The following VOPP1 variants were observed in gnomAD, a reference collection of about 807,000 sequenced individuals.
The protein encoded by VOPP1 is VOPP1 WW domain binding protein.
In VOPP1, 8 loss-of-function variants were observed where a neutral mutation model predicts 23.5. That is an observed-to-expected ratio of 0.34 (90% CI 0.20 to 0.61). VOPP1 has a LOEUF of 0.61. Among genes scored for constraint, VOPP1 ranks in the 20% least tolerant of loss-of-function variants. The pLI is 0.78. For missense variants in VOPP1, 174 were observed against 238.1 expected (o/e 0.73, Z 1.77); for synonymous variants, 83 against 97.3 (o/e 0.85, Z 0.86).
At chr7:55,494,800 G>C (rs1489263491) in intron 3 of VOPP1, among the ~76,000 whole-genome samples, 1 of 152,134 alleles carries the variant, frequency 6.6e-6, no homozygotes, top group East Asian at 1.9e-4. Flanking sequence ...AAAGGGGCAG[G>C]AGAAAGCGCT....
intron 2 of VOPP1, among the ~76,000 whole-genome samples, chr7:55,517,953 A>G (rs924817328): frequency 6.6e-6 from 1 of 152,140 alleles, no homozygotes; most frequent in African/African-American, 2.4e-5. Flanking sequence ...CAAAAAAACA[A>G]CTTTCTCCTT....
chr7:55,546,045 T>A (rs1797353425), intron 1 of VOPP1, among the ~76,000 whole-genome samples: 1 of 151,922 alleles, frequency 6.6e-6, no homozygotes, highest in African/African-American at 2.4e-5. Flanking sequence ...CCAGTCTGGG[T>A]GACAGAATGA....
chr7:55,537,649 C>T, intron 1 of VOPP1: 1 of 1,516,944 alleles, frequency 6.6e-7, no homozygotes, highest in Non-Finnish European at 8.8e-7. Context: ...GCTCTGGCGC[C>T]CGCAGACCCT....
At position 55,471,468 on chromosome 7, in the gene VOPP1, G is replaced by A. The variant is rs1791814492; in HGVS notation, c.*1387C>T. ...GAGTAACAATTTCTCAAGAGGCTCT[G>A]ATTAGTTCATTAAAAAATAAGCACC... On this transcript the variant is annotated 3_prime_UTR_variant, in exon 5 of 5. Coordinates refer to ENST00000285279, the MANE Select transcript of VOPP1 (RefSeq NM_030796.5). The A allele has an allele frequency of 6.6e-6, 1 of 152,214 alleles. No individual in the cohort carries two copies. Among genetic ancestry groups the A allele is most frequent in the Admixed American group, 6.5e-5 (1 of 15,276 alleles). 9.4% of individuals were successfully genotyped at this position (152,214 alleles called of 1,614,324 possible).
chr7:55,453,424 T>C (rs1464443491), intron 4 of VOPP1, among the ~76,000 whole-genome samples: 2 of 152,242 alleles, frequency 1.3e-5, no homozygotes, highest in Non-Finnish European at 2.9e-5. Flanking sequence ...TTTCTAGCTT[T>C]TGATTTAAAA....
intron 4 of VOPP1, among the ~76,000 whole-genome samples, chr7:55,483,682 C>A (rs77023242): frequency 0.012 from 1,786 of 152,326 alleles, 12 homozygotes; most frequent in Middle Eastern, 0.02. Flanking sequence ...TGTTACTTTC[C>A]CATGTCATGC....
chr7:55,549,512 A>G (rs1439513749), intron 1 of VOPP1, among the ~76,000 whole-genome samples: 1 of 152,204 alleles, frequency 6.6e-6, no homozygotes, highest in East Asian at 1.9e-4. Flanking sequence ...AATCTTTCAC[A>G]GAGACCTTTT....
intron 4 of VOPP1, among the ~76,000 whole-genome samples, chr7:55,437,001 T>C (rs1790847372): frequency 6.6e-6 from 1 of 152,214 alleles, no homozygotes; most frequent in Non-Finnish European, 1.5e-5. Context: ...CTTAAAGTAT[T>C]GCCCTAGGAG....
At chr7:55,549,543 A>G (rs1797513106) in intron 1 of VOPP1, among the ~76,000 whole-genome samples, 1 of 152,198 alleles carries the variant, frequency 6.6e-6, no homozygotes, top group South Asian at 2.1e-4. Context: ...ACTGTCAAAA[A>G]AAGGCTCTGC....
chr7:55,491,417 C>T (rs546766633), intron 4 of VOPP1, among the ~76,000 whole-genome samples: 1 of 152,356 alleles, frequency 6.6e-6, no homozygotes, highest in African/African-American at 2.4e-5. Context: ...AATCAATAGA[C>T]AGTCCCATCC....
intron 4 of VOPP1, among the ~76,000 whole-genome samples, chr7:55,440,881 A>G (rs1363363190): frequency 2.0e-5 from 3 of 152,174 alleles, no homozygotes; most frequent in Non-Finnish European, 4.4e-5. Context: ...GTCGTCACAC[A>G]TGGAGCAGAA....
intron 2 of VOPP1, among the ~76,000 whole-genome samples, chr7:55,508,818 A>G (rs77304137): frequency 6.6e-6 from 1 of 152,218 alleles, no homozygotes; most frequent in Non-Finnish European, 1.5e-5. Flanking sequence ...AGTGAAAAAC[A>G]GAAGTCTGCC....
At chr7:55,469,256 G>C (rs1396200204), downstream of VOPP1, among the ~76,000 whole-genome samples, 1 of 152,096 alleles carries the variant, frequency 6.6e-6, no homozygotes, top group Non-Finnish European at 1.5e-5. Context: ...AGCCCTTTGA[G>C]CTCAAAAATC....
At chr7:55,446,097 A>G (rs557131362) in intron 4 of VOPP1, among the ~76,000 whole-genome samples, 1 of 147,196 alleles carries the variant, frequency 6.8e-6, no homozygotes, top group African/African-American at 2.5e-5. Context: ...TGTTCATTCC[A>G]TTCTCCTGCC....
chr7:55,513,636 G>A (rs190681061), intron 2 of VOPP1, among the ~76,000 whole-genome samples: 3 of 152,298 alleles, frequency 2.0e-5, no homozygotes, highest in East Asian at 1.9e-4. Flanking sequence ...AGATGCTGCA[G>A]GCCCAGGGAG....
intron 1 of VOPP1, among the ~76,000 whole-genome samples, chr7:55,524,637 C>A (rs1562955336): frequency 6.6e-6 from 1 of 152,182 alleles, no homozygotes; most frequent in African/African-American, 2.4e-5. Flanking sequence ...AATGAGGACA[C>A]AGAAGTCCTG....
At chr7:55,557,997 G>C (rs1797866301) in intron 1 of VOPP1, among the ~76,000 whole-genome samples, 1 of 152,202 alleles carries the variant, frequency 6.6e-6, no homozygotes, top group Admixed American at 6.5e-5. Flanking sequence ...GTGGGGCATT[G>C]CAAGTACAGA....
At chr7:55,461,854 C>T (rs1326141989) in intron 4 of VOPP1, among the ~76,000 whole-genome samples, 2 of 152,148 alleles carry the variant, frequency 1.3e-5, no homozygotes, top group Admixed American at 6.5e-5. Flanking sequence ...TTCTTCCTCT[C>T]TTATTGGTTA....
chr7:55,570,374 T>C (rs988313339), intron 1 of VOPP1, among the ~76,000 whole-genome samples: 1 of 152,194 alleles, frequency 6.6e-6, no homozygotes, highest in Non-Finnish European at 1.5e-5. Context: ...CATCTAATAT[T>C]TGACTGTGAA....
Sources: allele counts gnomAD v4.1 joint callset (sites outside exome capture counted in the v4.1 genomes callset), GRCh38; gene constraint gnomAD v4.1.1; transcripts MANE v1.5; gene names NCBI Gene and HGNC (gene_info 2026-07-23, HGNC 2026-07-21).